The following DIAPH3 variants were observed in gnomAD, a reference collection of about 807,000 sequenced individuals.
DIAPH3 encodes the protein protein diaphanous homolog 3.
DIAPH3 carries 117 observed loss-of-function variants against 144.3 expected under a neutral mutation model. The observed-to-expected ratio is 0.81, with a 90% CI of 0.70 to 0.95. The LOEUF is 0.95. Among genes scored for constraint, DIAPH3 ranks in the 40% least tolerant of loss-of-function variants. DIAPH3 has a pLI of 0.00. For synonymous variants in DIAPH3, 519 were observed against 488.9 expected, an observed-to-expected ratio of 1.06 and a Z score of -0.81; for missense variants, 1,421 against 1,412.7, an observed-to-expected ratio of 1.01 and a Z score of -0.09.
At chr13:59,718,248 A>G (rs2035159993) in intron 27 of DIAPH3, among the ~76,000 whole-genome samples, 1 of 152,238 alleles carries the variant, frequency 6.6e-6, no homozygotes, top group Admixed American at 6.5e-5. Flanking sequence ...AGAATATCAC[A>G]GAACATAAAC....
intron 22 of DIAPH3, among the ~76,000 whole-genome samples, chr13:59,845,696 C>T (rs1189425559): frequency 6.6e-6 from 1 of 152,172 alleles, no homozygotes; most frequent in Non-Finnish European, 1.5e-5. Context: ...TGGGTCATAA[C>T]CATTCATAAT....
chr13:60,006,921 T>C (rs1310883135), intron 9 of DIAPH3, among the ~76,000 whole-genome samples: 1 of 152,232 alleles, frequency 6.6e-6, no homozygotes, highest in Non-Finnish European at 1.5e-5. Flanking sequence ...AGAGACCCTC[T>C]GGTCAGATCT....
intron 23 of DIAPH3, among the ~76,000 whole-genome samples, chr13:59,836,793 T>C (rs2042064519): frequency 6.6e-6 from 1 of 151,972 alleles, no homozygotes; most frequent in African/African-American, 2.4e-5. Flanking sequence ...ACATTTGATA[T>C]GTACCTCGAT....
intron 9 of DIAPH3, among the ~76,000 whole-genome samples, chr13:59,999,059 C>A (rs557507529): frequency 6.6e-6 from 1 of 152,092 alleles, no homozygotes; most frequent in South Asian, 2.1e-4. Context: ...TGGTCTTGGG[C>A]ATAATAAAAC....
chr13:59,701,341 C>G (rs1254710478), intron 27 of DIAPH3, among the ~76,000 whole-genome samples: 1 of 152,172 alleles, frequency 6.6e-6, no homozygotes, highest in Non-Finnish European at 1.5e-5. Flanking sequence ...ATCCTTAGTT[C>G]CCTCCACAGT....
At chr13:60,000,880 T>C (rs1047688399) in intron 9 of DIAPH3, among the ~76,000 whole-genome samples, 2 of 152,176 alleles carry the variant, frequency 1.3e-5, no homozygotes, top group African/African-American at 4.8e-5. Flanking sequence ...AGGGTTTCAT[T>C]CCATTCAATC....
At chr13:60,081,783 G>A (rs2057567176) in intron 4 of DIAPH3, among the ~76,000 whole-genome samples, 1 of 151,972 alleles carries the variant, frequency 6.6e-6, no homozygotes, top group Non-Finnish European at 1.5e-5. Flanking sequence ...AAATGGCCCA[G>A]AGATATCCAT....
intron 2 of DIAPH3, among the ~76,000 whole-genome samples, chr13:60,119,816 A>AACTCGTT (rs1426494311): frequency 6.6e-6 from 1 of 151,892 alleles, no homozygotes; most frequent in African/African-American, 2.4e-5. Context: ...GTTTTGGGGC[A>AACTCGTT]ACTCGTTATA....
chr13:59,931,251 C>T (rs1016571002), intron 17 of DIAPH3, among the ~76,000 whole-genome samples: 8 of 152,126 alleles, frequency 5.3e-5, no homozygotes, highest in Admixed American at 5.2e-4. Context: ...TCACCATTGC[C>T]CTGGCTACAA....
At chr13:59,793,460 T>C (rs2039427945) in intron 25 of DIAPH3, among the ~76,000 whole-genome samples, 1 of 152,240 alleles carries the variant, frequency 6.6e-6, no homozygotes, top group Admixed American at 6.5e-5. Flanking sequence ...CGCTATTCTT[T>C]GAGCTAAAGT....
chr13:59,701,262 T>C (rs1411469133), intron 27 of DIAPH3, among the ~76,000 whole-genome samples: 1 of 152,194 alleles, frequency 6.6e-6, no homozygotes, highest in Non-Finnish European at 1.5e-5. Context: ...CCTTTGACAT[T>C]TTTGGTAATT....
chr13:59,747,480 G>C (rs1386880171), intron 27 of DIAPH3, among the ~76,000 whole-genome samples: 1 of 152,194 alleles, frequency 6.6e-6, no homozygotes, highest in African/African-American at 2.4e-5. Context: ...TTTAAAAGGA[G>C]GGACAAGGCA....
chr13:59,727,950 A>C (rs1263545351), intron 27 of DIAPH3, among the ~76,000 whole-genome samples: 4 of 152,144 alleles, frequency 2.6e-5, no homozygotes, highest in Non-Finnish European at 5.9e-5. Flanking sequence ...AACAACAAAA[A>C]GTCAAAATGG....
rs1183713484 is a variant in DIAPH3 at position 60,064,054 on chromosome 13, C to T, written c.496-21234G>A. Among the ~76,000 whole-genome samples, 8 of 152,116 alleles carry T rather than the reference C, an allele frequency of 5.3e-5. No homozygotes were observed. The South Asian group carries it at 1.2e-3, about 24-fold the overall frequency. On this transcript the variant is annotated intron_variant, in intron 4 of 27. Transcript: ENST00000400324. Reference sequence around the variant, plus strand: ...TTTCTGAATAGTAGGTCTCAACAAGCGGGCTTAAAATGTTCAGTAAACCAT... The same window carrying T: ...TTTCTGAATAGTAGGTCTCAACAAGTGGGCTTAAAATGTTCAGTAAACCAT...
intron 1 of DIAPH3, among the ~76,000 whole-genome samples, chr13:60,157,956 TCTC>T (rs1566835201): frequency 6.6e-6 from 1 of 152,246 alleles, no homozygotes; most frequent in Non-Finnish European, 1.5e-5. Context: ...TCCAGGATTT[TCTC>T]CTCATTTATC....
At chr13:60,009,427 G>A (rs914791695) in intron 8 of DIAPH3, among the ~76,000 whole-genome samples, 5 of 151,828 alleles carry the variant, frequency 3.3e-5, no homozygotes, top group African/African-American at 1.2e-4. Context: ...AGAGGAGGAA[G>A]AAAAGGGAAA....
At chr13:59,809,702 A>T (rs956771347) in intron 25 of DIAPH3, among the ~76,000 whole-genome samples, 2 of 152,190 alleles carry the variant, frequency 1.3e-5, no homozygotes, top group Non-Finnish European at 2.9e-5. Flanking sequence ...TTGTGCTTAG[A>T]TGATTTTTCT....
intron 4 of DIAPH3, among the ~76,000 whole-genome samples, chr13:60,055,933 T>C (rs905589382): frequency 1.3e-5 from 2 of 151,826 alleles, no homozygotes; most frequent in Non-Finnish European, 3.0e-5. Context: ...CTGACTTTTT[T>C]AGTATAGTCC....
chr13:60,097,745 G>A (rs1318856433), intron 3 of DIAPH3, among the ~76,000 whole-genome samples: 5 of 150,250 alleles, frequency 3.3e-5, no homozygotes, highest in Admixed American at 1.3e-4. Context: ...AATGGCATTT[G>A]AAAGCGTAAG....
Sources: allele counts gnomAD v4.1 joint callset (sites outside exome capture counted in the v4.1 genomes callset), GRCh38; gene constraint gnomAD v4.1.1; transcripts MANE v1.5; gene names NCBI Gene and HGNC (gene_info 2026-07-23, HGNC 2026-07-21).